SUCLG1: variants seen among roughly 807,000 people sequenced by gnomAD.
SUCLG1 encodes the protein succinate--CoA ligase [ADP/GDP-forming] subunit alpha, mitochondrial.
In SUCLG1, 26 loss-of-function variants were observed where a neutral mutation model predicts 37.3. The observed-to-expected ratio is 0.70, with a 90% CI of 0.51 to 0.97. The LOEUF is 0.97. Among genes scored for constraint, SUCLG1 ranks in the 50% least tolerant of loss-of-function variants. The probability of loss-of-function intolerance (pLI) is 0.00; values close to 1 mark genes in which losing one functional copy is unlikely to be tolerated. For missense variants in SUCLG1, 433 were observed against 432.9 expected, an observed-to-expected ratio of 1.00 and a Z score of 0.00; for synonymous variants, 163 against 155.6, an observed-to-expected ratio of 1.05 and a Z score of -0.36.
At chr2:84,428,815 T>G (rs144017070) in intron 7 of SUCLG1, among the ~76,000 whole-genome samples, 1 of 152,160 alleles carries the variant, frequency 6.6e-6, no homozygotes, top group African/African-American at 2.4e-5. Flanking sequence ...ATGCCCAGGA[T>G]TGATGACTCT....
At chr2:84,447,590 TTAATATA>T (rs899222670) in intron 2 of SUCLG1, among the ~76,000 whole-genome samples, 50 of 152,246 alleles carry the variant, frequency 3.3e-4, no homozygotes, top group African/African-American at 1.1e-3. Flanking sequence ...GCTAATCATA[TTAATATA>T]TAACAAAAAA....
chr2:84,432,389 T>C (rs1042038110), intron 6 of SUCLG1: 1 of 152,308 alleles, frequency 6.6e-6, no homozygotes, highest in Non-Finnish European at 1.5e-5. Flanking sequence ...AACCGGCATT[T>C]ATTAAGTGCC....
In SUCLG1 at chr2:84,441,610, T is replaced by G. The variant is rs908019697; in HGVS notation, c.319-151A>C. The G allele has an allele frequency of 1.1e-5, 10 of 902,654 alleles. No homozygotes were observed. In the Middle Eastern group the frequency reaches 8.0e-4, roughly 73 times the overall value. 55.9% of individuals were successfully genotyped at this position (902,654 alleles called of 1,614,324 possible). Reference sequence around the variant, plus strand: ...CTTCCCATTCTCAAATTTGCTACACTGTCAGAGTAGAACAGAATCAAGCAT... The same window carrying G: ...CTTCCCATTCTCAAATTTGCTACACGGTCAGAGTAGAACAGAATCAAGCAT... On this transcript the variant is annotated intron_variant, in intron 3 of 8. Coordinates refer to ENST00000393868, the MANE Select transcript of SUCLG1 (RefSeq NM_003849.4).
chr2:84,427,966 G>A (rs1287461039), intron 7 of SUCLG1, among the ~76,000 whole-genome samples: 4 of 152,126 alleles, frequency 2.6e-5, no homozygotes, highest in African/African-American at 9.7e-5. Flanking sequence ...GTGAATGACT[G>A]CTACTCTGGT....
At chr2:84,438,254 T>C (rs1041226521) in intron 5 of SUCLG1, among the ~76,000 whole-genome samples, 3 of 152,238 alleles carry the variant, frequency 2.0e-5, no homozygotes, top group Non-Finnish European at 4.4e-5. Context: ...CAACTACACA[T>C]GAATTTATAG....
chr2:84,446,449 C>T lies in SUCLG1; in HGVS notation c.202-3049G>A, dbSNP rs550031686. Among the ~76,000 whole-genome samples the T allele has an allele frequency of 1.1e-4, 16 of 152,290 alleles. 1 individual carries two copies. In the South Asian group the frequency reaches 2.1e-3, roughly 20 times the overall value. On this transcript the variant is annotated intron_variant, in intron 2 of 8. Transcript: ENST00000393868. Reference sequence around the variant, plus strand: ...TTCAAAATGTGGTCCCAACTATTCACGTTCTGTTAAAGGAATAAAAATCAG... The same window carrying T: ...TTCAAAATGTGGTCCCAACTATTCATGTTCTGTTAAAGGAATAAAAATCAG...
intron 7 of SUCLG1, among the ~76,000 whole-genome samples, chr2:84,429,360 AC>A (rs1403971549): frequency 6.6e-6 from 1 of 152,070 alleles, no homozygotes; most frequent in African/African-American, 2.4e-5. Flanking sequence ...ATTAACCGAA[AC>A]TTTTTTTTTT....
chr2:84,434,050 C>T (rs1411440086), intron 5 of SUCLG1, among the ~76,000 whole-genome samples: 1 of 152,120 alleles, frequency 6.6e-6, no homozygotes, highest in Non-Finnish European at 1.5e-5. Context: ...CGTCTACTCC[C>T]CCTTCACCTT....
In SUCLG1 at chr2:84,454,148, AAG is replaced by A. The variant is rs1210449279; in HGVS notation, c.98-4398_98-4397del. On this transcript the variant is annotated intron_variant, in intron 1 of 8. Coordinates refer to ENST00000393868, the MANE Select transcript of SUCLG1 (RefSeq NM_003849.4). ...ACACAAAGGCAAATCTATCCCTAAAAAGAGAGAAAAAATAGTTCATATTTTAA... is the reference window on the plus strand; with the variant it reads ...ACACAAAGGCAAATCTATCCCTAAAAAGAGAAAAAATAGTTCATATTTTAA... 2.0e-5 allele frequency among the ~76,000 whole-genome samples: 3 copies of A among 152,338 alleles called. No homozygotes were observed. In the East Asian group the frequency reaches 5.8e-4, roughly 29 times the overall value.
At position 84,449,677 on chromosome 2, in the gene SUCLG1, A is replaced by G; in HGVS notation, c.173T>C (p.Ile58Thr). 3.1e-6 allele frequency: 5 copies of G among 1,603,848 alleles called. No individual in the cohort carries two copies. Among genetic ancestry groups the G allele is most frequent in the Non-Finnish European group, 4.3e-6 (5 of 1,175,434 alleles). ...QHLYVDKNTK[I>T]ICQGFTGKQG... ...TTTGCCAGTGAAACCCTGGCAAATA[A>G]TCTTTGTATTTTTATCAACATAGAG... Residue 58 changes from isoleucine (I) to threonine (T), a missense_variant, in exon 2 of 9, where the codon ATT becomes ACT. Ile to Thr is a moderately conservative substitution (Grantham distance 89). Coordinates refer to ENST00000393868, the MANE Select transcript of SUCLG1 (RefSeq NM_003849.4).
At chr2:84,452,996 T>C (rs1672963546) in intron 1 of SUCLG1, among the ~76,000 whole-genome samples, 1 of 152,234 alleles carries the variant, frequency 6.6e-6, no homozygotes, top group Non-Finnish European at 1.5e-5. Flanking sequence ...CATATAAAGA[T>C]CATAGGTTTC....
chr2:84,450,933 C>T (rs556713500), intron 1 of SUCLG1, among the ~76,000 whole-genome samples: 5 of 152,340 alleles, frequency 3.3e-5, no homozygotes, highest in South Asian at 4.1e-4. Context: ...AGAACTGCTA[C>T]GTAACAGGCA....
intron 1 of SUCLG1, among the ~76,000 whole-genome samples, chr2:84,455,552 T>TA (rs1216508731): frequency 6.6e-6 from 1 of 151,696 alleles, no homozygotes; most frequent in Non-Finnish European, 1.5e-5. Context: ...TGTTATAATG[T>TA]AAAAAAATGT....
intron 2 of SUCLG1, among the ~76,000 whole-genome samples, chr2:84,443,985 G>C (rs574912672): frequency 1.3e-5 from 2 of 152,148 alleles, no homozygotes; most frequent in African/African-American, 4.8e-5. Flanking sequence ...ATTTTGGACA[G>C]GATGATTCTT....
intron 4 of SUCLG1, 47 bp from the exon 5 acceptor site, chr2:84,441,151 C>A (rs758971676): frequency 3.7e-6 from 6 of 1,611,256 alleles, no homozygotes; most frequent in Non-Finnish European, 4.2e-6. Context: ...AAAAGTCACT[C>A]ACAGGTCATA....
intron 1 of SUCLG1, among the ~76,000 whole-genome samples, chr2:84,457,333 T>C (rs566096392): frequency 2.6e-5 from 4 of 152,334 alleles, no homozygotes; most frequent in African/African-American, 9.6e-5. Context: ...CCCCTCTTAA[T>C]ATAGAATACA....
chr2:84,432,949 A>G, intron 6 of SUCLG1: 1 of 255,002 alleles, frequency 3.9e-6, no homozygotes, highest in South Asian at 4.6e-5. Flanking sequence ...TCCAGCTCAG[A>G]GGCACCTGAG....
chr2:84,457,933 G>A (rs1017047437), intron 1 of SUCLG1, among the ~76,000 whole-genome samples: 2 of 151,862 alleles, frequency 1.3e-5, no homozygotes, highest in Non-Finnish European at 2.9e-5. Flanking sequence ...TCAAGTGATT[G>A]GCAACTAAGT....
At chr2:84,448,689 T>C (rs1179093942) in intron 2 of SUCLG1, among the ~76,000 whole-genome samples, 2 of 152,076 alleles carry the variant, frequency 1.3e-5, no homozygotes, top group Non-Finnish European at 2.9e-5. Context: ...AGAATAAATC[T>C]GTTCCAATGT....
Sources: allele counts gnomAD v4.1 joint callset (sites outside exome capture counted in the v4.1 genomes callset), GRCh38; gene constraint gnomAD v4.1.1; transcripts MANE v1.5; gene names NCBI Gene and HGNC (gene_info 2026-07-23, HGNC 2026-07-21).